Variants in DNAH10 observed in about 807,000 individuals in gnomAD.
DNAH10 encodes the protein dynein axonemal heavy chain 10, also known as axonemal beta dynein heavy chain 10.
DNAH10 carries 348 observed loss-of-function variants against 506.6 expected under a neutral mutation model. That is an observed-to-expected ratio of 0.69 (90% CI 0.63 to 0.75). The LOEUF (loss-of-function observed/expected upper bound fraction) is 0.75, where lower values mean the gene tolerates loss of function less well. Ranked by LOEUF, DNAH10 falls within the 30% of genes least tolerant of loss-of-function variation. DNAH10 has a pLI of 0.00. For missense variants in DNAH10, 5,179 were observed against 5,787.1 expected, an observed-to-expected ratio of 0.89 and a Z score of 3.41; for synonymous variants, 2,059 against 2,198.6, an observed-to-expected ratio of 0.94 and a Z score of 1.78.
intron 50 of DNAH10, among the ~76,000 whole-genome samples, chr12:123,880,810 C>T (rs1054836835): frequency 2.7e-5 from 3 of 111,564 alleles, no homozygotes; most frequent in Non-Finnish European, 3.5e-5. Flanking sequence ...CTCCCCCCAC[C>T]CCACAACAGG....
intron 62 of DNAH10, among the ~76,000 whole-genome samples, chr12:123,915,616 C>T (rs1192428497): frequency 6.6e-6 from 1 of 152,208 alleles, no homozygotes; most frequent in Non-Finnish European, 1.5e-5. Context: ...GGAATGGACT[C>T]AGACGCTGTG....
At chr12:123,891,140 A>G (rs1415761840) in intron 52 of DNAH10, among the ~76,000 whole-genome samples, 1 of 152,012 alleles carries the variant, frequency 6.6e-6, no homozygotes. Flanking sequence ...GGCTGCTGAC[A>G]GTCTTTGGTG....
Position 123,762,965 on chromosome 12 carries a change from C to T in DNAH10, c.214+415C>T, listed in dbSNP as rs1956884628. Among the ~76,000 whole-genome samples the T allele has an allele frequency of 6.6e-6, 1 of 152,160 alleles. No individual in the cohort carries two copies. Among genetic ancestry groups the T allele is most frequent in the Admixed American group, 6.6e-5 (1 of 15,266 alleles). ...GCGTCAAGATCCACTGTGCAATAAT[C>T]CGAACGGCTGGGTAGAGCCATGCCC... On this transcript the variant is annotated intron_variant, in intron 1 of 78. Coordinates refer to ENST00000673944, the MANE Select transcript of DNAH10 (RefSeq NM_001372106.1). This position sits in a 1 kb window ranked among gnomAD's most constrained non-coding sequence, Gnocchi z 5.0.
intron 53 of DNAH10, among the ~76,000 whole-genome samples, chr12:123,893,891 G>A (rs1333212017): frequency 1.3e-5 from 2 of 152,132 alleles, no homozygotes; most frequent in Non-Finnish European, 2.9e-5. Context: ...CAGGGATGCT[G>A]TGAAGCATCC....
chr12:123,871,637 T>A, intron 45 of DNAH10, 35 bp downstream of exon 45: 1 of 1,540,446 alleles, frequency 6.5e-7, no homozygotes, highest in African/African-American at 1.4e-5. Context: ...TCTATTGCTG[T>A]GTAACAAATT....
Position 123,931,791 on chromosome 12 carries a change from G to C in DNAH10, c.13072G>C (p.Glu4358Gln). Residue 4358 changes from glutamate to glutamine, a missense_variant, in exon 75 of 79, where the codon GAA (glutamate) becomes CAA (glutamine). Transcript: ENST00000673944. ...TTCGGTGGTGCTCCTGCAGGAACTG[G>C]AACGCTTCAACAAGCTTGTGGTCCG... ...PTSVVLLQEL[E>Q]RFNKLVVRMT... 1 of 1,614,046 alleles carries C rather than the reference G, an allele frequency of 6.2e-7. No homozygotes were observed. The highest frequency in any genetic ancestry group is 8.5e-7 in the Non-Finnish European group (1 of 1,179,896).
At chr12:123,898,954 T>C (rs74815407) in intron 56 of DNAH10, 140 bp downstream of exon 56, 315,576 of 1,285,652 alleles carry the variant, frequency 0.25, 41,203 homozygotes, top group African/African-American at 0.46. Context: ...TTGTAGGCAC[T>C]GAGCGTGCCA....
Position 123,805,059 on chromosome 12 carries a change from A to C in DNAH10, c.2987+19A>C, listed in dbSNP as rs745988848. 2.5e-6 allele frequency: 4 copies of C among 1,611,796 alleles called. No homozygotes were observed. The Admixed American group carries it at 6.7e-5, about 27-fold the overall frequency. The stretch of plus-strand genomic sequence containing the variant: ...TCCTGAAGTAAGTTCATCTTGTTGC[A>C]TGCTTTAAAATGGTGTGTGTAGATT... On this transcript the variant is annotated intron_variant, in intron 18 of 78. Transcript: ENST00000673944.
At chr12:123,820,501 A>G in intron 23 of DNAH10, 79 bp from the exon 24 acceptor site, 1 of 1,366,948 alleles carries the variant, frequency 7.3e-7, no homozygotes, top group Non-Finnish European at 1.0e-6. Context: ...TAATTGAGAT[A>G]CATTATGCAT....
At chr12:123,880,674 A>T (rs1952466734) in intron 50 of DNAH10, among the ~76,000 whole-genome samples, 1 of 150,350 alleles carries the variant, frequency 6.7e-6, no homozygotes, top group Non-Finnish European at 1.5e-5. Context: ...TTAATGCTTT[A>T]AATTCTAGGG....
chr12:123,902,889 T>C lies in DNAH10; in HGVS notation c.9641-50T>C. ...CTCTGCTCAGAGCCGGGGCCGCGAG[T>C]GCATCTCCTCTGAGCCCAAGCTTTA... On this transcript the variant is annotated intron_variant, in intron 56 of 78. Transcript: ENST00000673944. This position sits in a 1 kb window ranked among gnomAD's most constrained non-coding sequence, Gnocchi z 4.5. The C allele has an allele frequency of 6.5e-7, 1 of 1,529,724 alleles. No individual in the cohort carries two copies. Among genetic ancestry groups the C allele is most frequent in the Non-Finnish European group, 8.8e-7 (1 of 1,135,536 alleles). The allele number at this position is 1,529,724 out of a possible 1,614,324, so 94.8% of individuals were successfully genotyped here. A position where few individuals can be genotyped will look rare whatever the true frequency, so the allele number is the denominator to read the frequency against.
rs7968224 is a variant in DNAH10 at position 123,851,290 on chromosome 12, G to C, written c.6291+214G>C. 3.5e-3 allele frequency among the ~76,000 whole-genome samples: 460 copies of C among 132,468 alleles called. 2 individuals carry two copies. Among genetic ancestry groups the C allele is most frequent in the African/African-American group, 0.016 (431 of 27,412 alleles). 86.9% of individuals were successfully genotyped at this position (132,468 alleles called of 152,430 possible). On this transcript the variant is annotated intron_variant, in intron 35 of 78. Transcript: ENST00000673944. ...CCTAGGATGTGTTAGTTCCATGTGGGTCTTCCAGACTGGGGACCTAGGATG... is the reference window on the plus strand; with the variant it reads ...CCTAGGATGTGTTAGTTCCATGTGGCTCTTCCAGACTGGGGACCTAGGATG...
chr12:123,793,948 G>A lies in DNAH10; in HGVS notation c.1822G>A (p.Glu608Lys). The A allele has an allele frequency of 2.4e-6, 3 of 1,225,580 alleles. No homozygotes were observed. Among genetic ancestry groups the A allele is most frequent in the Non-Finnish European group, 3.2e-6 (3 of 949,680 alleles). The allele number at this position is 1,225,580 out of a possible 1,614,324, so 75.9% of individuals were successfully genotyped here. ...TTTGTTGATTTTTTTGCAGGTTATTGAGAAAGAAGCAAAACATTTTATTGA... is the reference window on the plus strand; with the variant it reads ...TTTGTTGATTTTTTTGCAGGTTATTAAGAAAGAAGCAAAACATTTTATTGA... ...DEFKIEVLVI[E>K]KEAKHFIDES... The change falls in exon 12 of 79, where the codon GAG (glutamate) becomes AAG (lysine). Residue 608 changes from glutamate to lysine, a missense_variant. Coordinates refer to ENST00000673944, the MANE Select transcript of DNAH10 (RefSeq NM_001372106.1).
At position 123,857,238 on chromosome 12, in the gene DNAH10, A is replaced by G; in HGVS notation, c.6621A>G (p.Leu2207=). Residue 2207 remains leucine (L), a synonymous_variant, in exon 37 of 79, where the codon CTA becomes CTG. Transcript: ENST00000673944. ...TGGAGGAGAACGGCTACGCGGTCCT[A>G]CCCATCCAGGTAAAGCCAGGAAAAT... is the stretch of plus-strand genomic sequence containing the variant. ...QVLEENGYAV[L]PIQVDKVVQM... is the part of the protein sequence containing the mutation. 1 of 1,559,638 alleles carries G rather than the reference A, an allele frequency of 6.4e-7. No individual in the cohort carries two copies. Among genetic ancestry groups the G allele is most frequent in the East Asian group, 2.4e-5 (1 of 41,328 alleles).
rs780406815 is a variant in DNAH10, at chr12:123,826,881, C to T, written c.4374C>T (p.Asn1458=). 15 of 1,613,012 alleles carry T rather than the reference C, an allele frequency of 9.3e-6. No individual in the cohort carries two copies. The highest frequency in any genetic ancestry group is 1.7e-5 in the Admixed American group (1 of 59,896). The part of the protein sequence containing the change: ...DSIPLLLDLK[N]EALRDRHWKE... Reference sequence around the variant, plus strand: ...TTCCTTTACTTCTTGACTTGAAAAACGAGGCACTAAGAGACAGGTTTGTTT... The same window carrying T: ...TTCCTTTACTTCTTGACTTGAAAAATGAGGCACTAAGAGACAGGTTTGTTT... Residue 1458 remains asparagine (N), a synonymous_variant, in exon 25 of 79, where the codon AAC becomes AAT. Transcript: ENST00000673944.
In DNAH10 at chr12:123,931,984, T is replaced by C; in HGVS notation, c.13172T>C (p.Val4391Ala). The C allele has an allele frequency of 6.2e-7, 1 of 1,614,072 alleles. No individual in the cohort carries two copies. The highest frequency in any genetic ancestry group is 1.1e-5 in the South Asian group (1 of 91,082). ...GGAATGAGCAATGAGTTAGATGATG[T>C]GGCCAGGTCTCTTTTTATCGGGCAT... is the stretch of plus-strand genomic sequence containing the variant. The part of the protein sequence containing the change: ...EVGMSNELDD[V>A]ARSLFIGHIP... Residue 4391 changes from valine to alanine, a missense_variant, in exon 76 of 79, where the codon GTG (valine) becomes GCG (alanine). Val to Ala is a moderately conservative substitution (Grantham distance 64). Coordinates refer to ENST00000673944, the MANE Select transcript of DNAH10 (RefSeq NM_001372106.1).
In DNAH10 at chr12:123,841,291, G is replaced by T. The variant is rs770546002; in HGVS notation, c.5137-31G>T. On this transcript the variant is annotated intron_variant, in intron 29 of 78. Coordinates refer to ENST00000673944, the MANE Select transcript of DNAH10 (RefSeq NM_001372106.1). ...TCTTTGATTCCAGAACTCCGTGCAG[G>T]TCTTACAGGGCTGCCTCTCCCTGTT... is the stretch of plus-strand genomic sequence containing the variant. The T allele has an allele frequency of 3.1e-6, 5 of 1,607,970 alleles. No homozygotes were observed. In the South Asian group the frequency reaches 3.3e-5, roughly 11 times the overall value.
At chr12:123,869,189 A>T (rs531534166) in intron 43 of DNAH10, among the ~76,000 whole-genome samples, 1 of 152,042 alleles carries the variant, frequency 6.6e-6, no homozygotes, top group East Asian at 1.9e-4. Context: ...CTCGGGCCAC[A>T]TGTGTTTCTG....
At chr12:123,838,307 G>A in intron 28 of DNAH10, 149 bp from the exon 29 acceptor site, 1 of 628,612 alleles carries the variant, frequency 1.6e-6, no homozygotes, top group South Asian at 2.0e-5. Context: ...ATGATAAATG[G>A]ATCCCCTGAA....
Sources: gnomAD v4.1 joint callset for allele counts (sites outside exome capture counted in the v4.1 genomes callset) on GRCh38, gnomAD v4.1.1 for gene constraint, Gnocchi (gnomAD v3.1) non-coding constraint, MANE v1.5 for transcripts, NCBI Gene and HGNC (gene_info 2026-07-23, HGNC 2026-07-21) for gene names.